The following TMTC2 variants were observed in gnomAD, a reference collection of about 807,000 sequenced individuals.
TMTC2 encodes the protein transmembrane O-mannosyltransferase targeting cadherins 2.
In TMTC2, 43 loss-of-function variants were observed where a neutral mutation model predicts 82.4. The ratio of observed to expected loss-of-function variants is 0.52; its 90% CI spans 0.41 to 0.67. The LOEUF (loss-of-function observed/expected upper bound fraction) is 0.67, where lower values mean the gene tolerates loss of function less well. Ranked by LOEUF, TMTC2 falls within the 30% of genes least tolerant of loss-of-function variation. TMTC2 has a pLI of 0.00. For synonymous variants in TMTC2, 408 were observed against 381.9 expected (o/e 1.07, Z -0.80); for missense variants, 919 against 1,012.4 (o/e 0.91, Z 1.25).
intron 11 of TMTC2, among the ~76,000 whole-genome samples, chr12:83,074,848 G>T (rs749192074): frequency 6.6e-6 from 1 of 152,128 alleles, no homozygotes; most frequent in Non-Finnish European, 1.5e-5. Context: ...CTGCACACTG[G>T]ATTTGCGCTC....
At chr12:82,965,217 A>G in intron 5 of TMTC2, 108 bp downstream of exon 5, 4 of 800,918 alleles carry the variant, frequency 5.0e-6, no homozygotes, top group East Asian at 2.5e-5. Flanking sequence ...ATTTCTGAAT[A>G]CTCGCTAATC....
chr12:82,881,815 A>G (rs1053440516), intron 2 of TMTC2, among the ~76,000 whole-genome samples: 2 of 152,196 alleles, frequency 1.3e-5, no homozygotes, highest in Non-Finnish European at 2.9e-5. Context: ...CAGCAAAGTT[A>G]TTCCATTTAT....
chr12:83,119,153 C>T (rs985870660), intron 11 of TMTC2, among the ~76,000 whole-genome samples: 2 of 151,910 alleles, frequency 1.3e-5, no homozygotes, highest in Non-Finnish European at 2.9e-5. Context: ...TCATTTAGTT[C>T]TGCTCTGATC....
intron 8 of TMTC2, among the ~76,000 whole-genome samples, chr12:82,993,216 C>T (rs1592679940): frequency 6.6e-6 from 1 of 152,110 alleles, no homozygotes; most frequent in Non-Finnish European, 1.5e-5. Context: ...AACTCCTGAC[C>T]TCATGATCTG....
At chr12:82,709,341 A>C (rs1226762922) in intron 1 of TMTC2, among the ~76,000 whole-genome samples, 1 of 152,252 alleles carries the variant, frequency 6.6e-6, no homozygotes, top group Admixed American at 6.5e-5. Context: ...TTGGCTTTTC[A>C]AAATCTGTAG....
At chr12:82,846,446 G>T (rs1167780130) in intron 1 of TMTC2, among the ~76,000 whole-genome samples, 1 of 152,032 alleles carries the variant, frequency 6.6e-6, no homozygotes, top group East Asian at 1.9e-4. Context: ...ATCCATGGAA[G>T]CTCTATGAAG....
At chr12:82,931,403 A>C (rs1442048951) in intron 4 of TMTC2, among the ~76,000 whole-genome samples, 1 of 152,160 alleles carries the variant, frequency 6.6e-6, no homozygotes, top group Non-Finnish European at 1.5e-5. Context: ...GGTTAGAAAA[A>C]TCCCTAGGGG....
intron 1 of TMTC2, among the ~76,000 whole-genome samples, chr12:82,809,875 C>A (rs555145370): frequency 6.6e-6 from 1 of 152,120 alleles, no homozygotes; most frequent in Admixed American, 6.5e-5. Flanking sequence ...ATATTTGATA[C>A]GTCTAGTATT....
intron 11 of TMTC2, among the ~76,000 whole-genome samples, chr12:83,090,620 A>G (rs761984845): frequency 2.0e-5 from 3 of 152,102 alleles, no homozygotes; most frequent in Non-Finnish European, 4.4e-5. Context: ...TCTACCTCTC[A>G]TTTCTCAAAT....
chr12:82,846,273 G>T (rs1465446551), intron 1 of TMTC2, among the ~76,000 whole-genome samples: 1 of 152,028 alleles, frequency 6.6e-6, no homozygotes, highest in Non-Finnish European at 1.5e-5. Flanking sequence ...CAGGAGAATC[G>T]CTTGAACCCA....
chr12:83,034,100 T>A (rs1881565097), intron 9 of TMTC2, among the ~76,000 whole-genome samples: 1 of 151,990 alleles, frequency 6.6e-6, no homozygotes, highest in Non-Finnish European at 1.5e-5. Flanking sequence ...AATTTTAATA[T>A]TTATACAGTG....
chr12:82,717,654 A>G (rs1054695583), intron 1 of TMTC2, among the ~76,000 whole-genome samples: 2 of 152,234 alleles, frequency 1.3e-5, no homozygotes, highest in Admixed American at 1.3e-4. Flanking sequence ...CAGGAAATCA[A>G]TTATACAATA....
chr12:83,041,401 G>A (rs139527234), intron 9 of TMTC2, among the ~76,000 whole-genome samples: 42 of 152,198 alleles, frequency 2.8e-4, no homozygotes, highest in Middle Eastern at 3.4e-3. Context: ...GGATTACTAT[G>A]GCCTAAAGTT....
chr12:83,127,770 C>A (rs1161448968), intron 11 of TMTC2, among the ~76,000 whole-genome samples: 1 of 152,066 alleles, frequency 6.6e-6, no homozygotes, highest in Non-Finnish European at 1.5e-5. Flanking sequence ...AAACTAGAAT[C>A]AGACCTCCAT....
intron 4 of TMTC2, among the ~76,000 whole-genome samples, chr12:82,961,396 A>G (rs1182954559): frequency 2.6e-5 from 4 of 151,992 alleles, no homozygotes; most frequent in Non-Finnish European, 5.9e-5. Context: ...ACTCCTTTTC[A>G]GTGTATCAAC....
chr12:82,856,555 G>T (rs1871266868), intron 1 of TMTC2, among the ~76,000 whole-genome samples: 1 of 152,144 alleles, frequency 6.6e-6, no homozygotes, highest in Admixed American at 6.5e-5. Context: ...TGTATGAGAA[G>T]CACCGGGCAC....
chr12:82,808,865 A>G (rs564604623), intron 1 of TMTC2, among the ~76,000 whole-genome samples: 3 of 152,010 alleles, frequency 2.0e-5, no homozygotes, highest in Admixed American at 1.3e-4. Flanking sequence ...TGTTTAAAGT[A>G]TAAATTTGTA....
At chr12:82,937,748 GTGTATATATATATA>G (rs1359372206) in intron 4 of TMTC2, among the ~76,000 whole-genome samples, 1 of 92,366 alleles carries the variant, frequency 1.1e-5, no homozygotes, top group African/African-American at 5.1e-5. Context: ...GTGTGTGTGT[GTGTATATATATATA>G]TATATATATA....
chr12:82,774,578 G>A (rs1319780430), intron 1 of TMTC2, among the ~76,000 whole-genome samples: 2 of 151,394 alleles, frequency 1.3e-5, no homozygotes, highest in Non-Finnish European at 1.5e-5. Flanking sequence ...CTGAGATTGA[G>A]CCACTGCACT....
Sources: allele counts gnomAD v4.1 joint callset (sites outside exome capture counted in the v4.1 genomes callset), GRCh38; gene constraint gnomAD v4.1.1; transcripts MANE v1.5; gene names NCBI Gene and HGNC (gene_info 2026-07-23, HGNC 2026-07-21).